Variants in CNTNAP2 observed in about 807,000 individuals in gnomAD.
CNTNAP2 encodes contactin-associated protein-like 2.
A neutral mutation model predicts 155.2 loss-of-function variants in CNTNAP2; 98 were observed. The observed-to-expected ratio is 0.63, with a 90% CI of 0.54 to 0.75. The LOEUF (loss-of-function observed/expected upper bound fraction) is 0.75, where lower values mean the gene tolerates loss of function less well. Among genes scored for constraint, CNTNAP2 ranks in the 30% least tolerant of loss-of-function variants. CNTNAP2 has a pLI of 0.00. For missense variants in CNTNAP2, 1,727 were observed against 1,688.1 expected (o/e 1.02, Z -0.40); for synonymous variants, 651 against 631.2 (o/e 1.03, Z -0.47).
chr7:146,919,734 C>T (rs1007234549), intron 3 of CNTNAP2, among the ~76,000 whole-genome samples: 9 of 152,254 alleles, frequency 5.9e-5, no homozygotes, highest in South Asian at 2.1e-4. Context: ...AGGCAGTGGG[C>T]GGGGCATACA....
intron 18 of CNTNAP2, among the ~76,000 whole-genome samples, chr7:148,177,881 A>AT (rs1480627298): frequency 7.4e-6 from 1 of 135,476 alleles, no homozygotes; most frequent in East Asian, 2.3e-4. Context: ...GGATACAAGA[A>AT]TTGAACAGAC....
chr7:146,285,663 TCCCTCCCCTCCTCTTCCCTCATCTC>T, intron 1 of CNTNAP2, among the ~76,000 whole-genome samples: 1 of 136,952 alleles, frequency 7.3e-6, no homozygotes. Flanking sequence ...TATTTTTCCC[TCCCTCCCCTCCTCTTCCCTCATCTC>T]CCTTCCCCTC....
chr7:147,100,656 T>C (rs1299225803), intron 4 of CNTNAP2, among the ~76,000 whole-genome samples: 2 of 152,218 alleles, frequency 1.3e-5, no homozygotes, highest in Middle Eastern at 3.2e-3. Flanking sequence ...AAGAGTTGTG[T>C]AGCCTTAAAT....
At chr7:147,350,089 C>T (rs555875214) in intron 9 of CNTNAP2, among the ~76,000 whole-genome samples, 1 of 151,850 alleles carries the variant, frequency 6.6e-6, no homozygotes, top group African/African-American at 2.4e-5. Flanking sequence ...AAGTGTAGGG[C>T]CTTTGCCCTG....
chr7:147,955,924 A>G (rs564406050), intron 14 of CNTNAP2, among the ~76,000 whole-genome samples: 7 of 152,370 alleles, frequency 4.6e-5, no homozygotes, highest in African/African-American at 1.7e-4. Flanking sequence ...GACTATAATC[A>G]AACCACAGTT....
chr7:147,895,791 A>T (rs1199523303), intron 13 of CNTNAP2, among the ~76,000 whole-genome samples: 1 of 152,254 alleles, frequency 6.6e-6, no homozygotes, highest in Non-Finnish European at 1.5e-5. Flanking sequence ...CTCAAAATAA[A>T]TTGAACCGTT....
At chr7:147,935,315 C>T (rs372418416) in intron 14 of CNTNAP2, among the ~76,000 whole-genome samples, 103 of 151,988 alleles carry the variant, frequency 6.8e-4, no homozygotes, top group African/African-American at 2.2e-3. Context: ...TTAGTAGAGA[C>T]GGGGTTTCAC....
At chr7:148,097,078 A>C (rs1220612128) in intron 15 of CNTNAP2, among the ~76,000 whole-genome samples, 2 of 152,170 alleles carry the variant, frequency 1.3e-5, no homozygotes, top group Non-Finnish European at 2.9e-5. Flanking sequence ...ATCGTGGTAC[A>C]TGTCTTTGTG....
intron 11 of CNTNAP2, among the ~76,000 whole-genome samples, chr7:147,544,299 A>G (rs1345457536): frequency 6.6e-6 from 1 of 152,190 alleles, no homozygotes; most frequent in Non-Finnish European, 1.5e-5. Context: ...AGCCCACAGA[A>G]GAGCACATTT....
At chr7:146,625,541 A>C (rs1400137772) in intron 1 of CNTNAP2, among the ~76,000 whole-genome samples, 1 of 152,034 alleles carries the variant, frequency 6.6e-6, no homozygotes, top group Non-Finnish European at 1.5e-5. Flanking sequence ...TTTGTCTGTG[A>C]GTTACAAATT....
At chr7:146,962,449 G>C (rs954674402) in intron 3 of CNTNAP2, among the ~76,000 whole-genome samples, 6 of 152,218 alleles carry the variant, frequency 3.9e-5, no homozygotes, top group Non-Finnish European at 7.3e-5. Context: ...CAGTAAGGGA[G>C]TAAGGGAGTC....
intron 1 of CNTNAP2, among the ~76,000 whole-genome samples, chr7:146,411,249 C>G (rs1724524): frequency 0.033 from 5,032 of 151,674 alleles, 298 homozygotes; most frequent in African/African-American, 0.12. Context: ...TTCTGCCTCC[C>G]GGGTTCAAGC....
intron 1 of CNTNAP2, among the ~76,000 whole-genome samples, chr7:146,202,437 GAATGTTAAA>G (rs1272993610): frequency 6.6e-6 from 1 of 151,996 alleles, no homozygotes; most frequent in East Asian, 1.9e-4. Flanking sequence ...ATTCTAATTT[GAATGTTAAA>G]AATGTTAAAA....
chr7:148,019,540 A>C (rs1802240113), intron 15 of CNTNAP2, among the ~76,000 whole-genome samples: 1 of 151,994 alleles, frequency 6.6e-6, no homozygotes, highest in African/African-American at 2.4e-5. Context: ...GCTCAATGCA[A>C]CCACCCCCCA....
rs139559989 is a variant in CNTNAP2 at position 146,501,211 on chromosome 7, T to C, written c.98-273060T>C. Among the ~76,000 whole-genome samples, 505 of 152,274 alleles carry C rather than the reference T, an allele frequency of 3.3e-3. 2 individuals carry two copies. The highest frequency in any genetic ancestry group is 0.012 in the African/African-American group (489 of 41,584). On this transcript the variant is annotated intron_variant, in intron 1 of 23. Coordinates refer to ENST00000361727, the MANE Select transcript of CNTNAP2 (RefSeq NM_014141.6). ...GTGATGCCTTCACATACTTTTGGTATGAAGGTATATAGGACTCAGACATGA... is the reference window on the plus strand; with the variant it reads ...GTGATGCCTTCACATACTTTTGGTACGAAGGTATATAGGACTCAGACATGA...
chr7:147,796,945 C>T (rs895916522), intron 13 of CNTNAP2, among the ~76,000 whole-genome samples: 6 of 152,156 alleles, frequency 3.9e-5, no homozygotes, highest in African/African-American at 1.2e-4. Context: ...GGGTCTTAGA[C>T]AGCTGAATGT....
At chr7:148,029,009 A>T (rs1273775213) in intron 15 of CNTNAP2, among the ~76,000 whole-genome samples, 1 of 152,162 alleles carries the variant, frequency 6.6e-6, no homozygotes, top group African/African-American at 2.4e-5. Context: ...TTTTGTACAA[A>T]ATTTCCATTT....
chr7:146,160,815 C>T (rs1177765703), intron 1 of CNTNAP2, among the ~76,000 whole-genome samples: 2 of 152,164 alleles, frequency 1.3e-5, no homozygotes, highest in Admixed American at 6.5e-5. Flanking sequence ...CTATTCCAAT[C>T]AACAGAAAAA....
intron 3 of CNTNAP2, among the ~76,000 whole-genome samples, chr7:147,003,446 T>G (rs1295442820): frequency 6.6e-6 from 1 of 152,004 alleles, no homozygotes; most frequent in Non-Finnish European, 1.5e-5. Context: ...CAAAGTTATA[T>G]TAATACAAAT....
Sources: allele counts gnomAD v4.1 joint callset (sites outside exome capture counted in the v4.1 genomes callset), GRCh38; gene constraint gnomAD v4.1.1; transcripts MANE v1.5; gene names NCBI Gene and HGNC (gene_info 2026-07-23, HGNC 2026-07-21).